Variants in PLCXD1 observed in about 807,000 individuals in gnomAD.
The protein encoded by PLCXD1 is phosphatidylinositol specific phospholipase C X domain containing 1, also known as PI-PLC X domain-containing protein 1.
In PLCXD1, 45 loss-of-function variants were observed where a neutral mutation model predicts 37.8. That is an observed-to-expected ratio of 1.19 (90% CI 0.94 to 1.53). The LOEUF (loss-of-function observed/expected upper bound fraction) is 1.53, where lower values mean the gene tolerates loss of function less well. Among genes scored for constraint, PLCXD1 ranks in the 40% most tolerant of loss-of-function variants. The pLI is 0.00. For missense variants in PLCXD1, 539 were observed against 454.7 expected (o/e 1.19, Z -1.69); for synonymous variants, 246 against 206.9 (o/e 1.19, Z -1.62).
intron 2 of PLCXD1, among the ~76,000 whole-genome samples, chrX:285,902 C>A (rs1252910725): frequency 6.6e-6 from 1 of 152,058 alleles, no homozygotes; most frequent in Non-Finnish European, 1.5e-5. Context: ...AGAACAACGT[C>A]GAGACGGGAG....
In PLCXD1 at chrX:287,286, T is replaced by C. The variant is rs1409788303; in HGVS notation, c.128-1447T>C. Among the ~76,000 whole-genome samples the C allele has an allele frequency of 2.1e-5, 3 of 145,956 alleles. No homozygotes were observed. In the East Asian group the frequency reaches 5.9e-4, roughly 28 times the overall value. On this transcript the variant is annotated intron_variant, in intron 2 of 6. Coordinates refer to ENST00000381657, the MANE Select transcript of PLCXD1 (RefSeq NM_018390.4). ...AAATATAAAATATATATCATATATT[T>C]ATATAAATATATGATACATAAGTAC...
upstream of PLCXD1, chrX:281,225 C>T (rs2069268463): frequency 2.1e-5 from 5 of 238,750 alleles, no homozygotes; most frequent in Non-Finnish European, 3.3e-5. Context: ...AAGGGGCCAG[C>T]TCCCTCCTGG....
intron 5 of PLCXD1, among the ~76,000 whole-genome samples, chrX:292,014 C>T (rs1312833227): frequency 7.0e-6 from 1 of 143,566 alleles, no homozygotes; most frequent in Admixed American, 7.0e-5. Context: ...AAAAATACAA[C>T]AATTAGGCTG....
At chrX:290,840 TGCGGCCGGGCTG>T in intron 4 of PLCXD1, 64 bp downstream of exon 4, 1 of 1,452,374 alleles carries the variant, frequency 6.9e-7, no homozygotes, top group African/African-American at 1.6e-5. Context: ...CTGGTGCAGG[TGCGGCCGGGCTG>T]AGGTGGGAAG....
upstream of PLCXD1, among the ~76,000 whole-genome samples, chrX:277,010 G>A (rs775716156): frequency 1.0e-3 from 155 of 152,272 alleles, 1 homozygote; most frequent in African/African-American, 3.5e-3. Context: ...GCGCTGTCCC[G>A]CCGCGACCGT....
At chrX:279,997 C>G (rs1341646130), upstream of PLCXD1, among the ~76,000 whole-genome samples, 4 of 152,214 alleles carry the variant, frequency 2.6e-5, no homozygotes, top group African/African-American at 9.6e-5. Context: ...TACAGGCGCG[C>G]GCCAGCACGG....
At chrX:288,300 T>C (rs1394141444) in intron 2 of PLCXD1, among the ~76,000 whole-genome samples, 1 of 149,882 alleles carries the variant, frequency 6.7e-6, no homozygotes, top group Non-Finnish European at 1.5e-5. Flanking sequence ...TTGTATTCAG[T>C]TCCTTCTAGA....
At position 302,965 on chromosome X, in the gene PLCXD1, C is replaced by A. The variant is rs3186271; in HGVS notation, c.*3630C>A. On this transcript the variant is annotated 3_prime_UTR_variant, in exon 7 of 7. Transcript: ENST00000381657. ...GCCAGCACCATTTTTACTCCCCTTT[C>A]CCAAGCAAATCGTGCATTTTTGTCT... 0.1 allele frequency: 15,856 copies of A among 151,834 alleles called. 2,090 individuals carry two copies. Among genetic ancestry groups the A allele is most frequent in the African/African-American group, 0.31 (12,786 of 41,142 alleles). 9.4% of individuals were successfully genotyped at this position (151,834 alleles called of 1,614,324 possible).
chrX:288,120 C>T (rs2069515710), intron 2 of PLCXD1, among the ~76,000 whole-genome samples: 1 of 149,826 alleles, frequency 6.7e-6, no homozygotes, highest in South Asian at 2.1e-4. Flanking sequence ...CTCCTAAGGA[C>T]ACCTGTCATT....
intron 2 of PLCXD1, among the ~76,000 whole-genome samples, chrX:287,457 T>TAG (rs2069485668): frequency 1.5e-5 from 2 of 129,342 alleles, no homozygotes; most frequent in Admixed American, 1.6e-4. Context: ...TATATGTTTA[T>TAG]ATATAGAATA....
At chrX:279,474 G>C (rs775146762), upstream of PLCXD1, among the ~76,000 whole-genome samples, 53 of 152,310 alleles carry the variant, frequency 3.5e-4, no homozygotes, top group African/African-American at 1.2e-3. Flanking sequence ...GCAATTGGTT[G>C]AAAGAGTTAT....
chrX:282,944 A>T (rs867426183), intron 1 of PLCXD1, among the ~76,000 whole-genome samples: 14 of 86,134 alleles, frequency 1.6e-4, no homozygotes, highest in Non-Finnish European at 2.3e-4. Context: ...TTATATATAT[A>T]TTATATATAT....
chrX:281,269 C>G, upstream of PLCXD1: 1 of 178,862 alleles, frequency 5.6e-6, no homozygotes, highest in South Asian at 9.3e-5. Context: ...GTGGTTGCTT[C>G]TCTTGGAGAA....
At chrX:284,007 G>T in intron 1 of PLCXD1, 160 bp from the exon 2 acceptor site, 1 of 611,022 alleles carries the variant, frequency 1.6e-6, no homozygotes, top group Non-Finnish European at 2.9e-6. Context: ...TCAGCCTCCC[G>T]AGTAGCTGGG....
intron 2 of PLCXD1, among the ~76,000 whole-genome samples, chrX:285,148 A>G (rs1217023821): frequency 1.3e-5 from 2 of 151,700 alleles, no homozygotes; most frequent in African/African-American, 2.4e-5. Flanking sequence ...ATGCATGCAC[A>G]CATGCACATC....
At chrX:280,196 G>A (rs1009011733), upstream of PLCXD1, among the ~76,000 whole-genome samples, 3 of 152,176 alleles carry the variant, frequency 2.0e-5, no homozygotes, top group East Asian at 1.9e-4. Flanking sequence ...CCGCGGCCCC[G>A]GGACCCTGGG....
At chrX:287,219 A>T (rs1170606294) in intron 2 of PLCXD1, among the ~76,000 whole-genome samples, 1 of 145,814 alleles carries the variant, frequency 6.9e-6, no homozygotes, top group Non-Finnish European at 1.5e-5. Context: ...ATATAAACAT[A>T]CATATTTATA....
At chrX:294,517 C>T (rs928126076) in intron 6 of PLCXD1, among the ~76,000 whole-genome samples, 2 of 150,244 alleles carry the variant, frequency 1.3e-5, no homozygotes, top group Admixed American at 6.7e-5. Context: ...GTAATCCCAT[C>T]TACTTGGGAG....
At position 281,657 on chromosome X, in the gene PLCXD1, C is replaced by T. The variant is rs1009386718; in HGVS notation, c.-49C>T. On this transcript the variant is annotated 5_prime_UTR_variant, in exon 1 of 7. Transcript: ENST00000381657. Reference sequence around the variant, plus strand: ...GGCTCGAGACCAACAATTCGAATTCCGAACTCCCCCTGCGTGTGGGACTCA... The same window carrying T: ...GGCTCGAGACCAACAATTCGAATTCTGAACTCCCCCTGCGTGTGGGACTCA... 3.3e-5 allele frequency: 5 copies of T among 152,084 alleles called. No homozygotes were observed. Among genetic ancestry groups the T allele is most frequent in the Admixed American group, 2.6e-4 (4 of 15,260 alleles). 9.4% of individuals were successfully genotyped at this position (152,084 alleles called of 1,614,324 possible).
Sources: gnomAD v4.1 joint callset for allele counts (sites outside exome capture counted in the v4.1 genomes callset) on GRCh38, gnomAD v4.1.1 for gene constraint, MANE v1.5 for transcripts, NCBI Gene and HGNC (gene_info 2026-07-23, HGNC 2026-07-21) for gene names.